Variants in NUCKS1 observed in about 807,000 individuals in gnomAD.
NUCKS1 encodes the protein nuclear casein kinase and cyclin dependent kinase substrate 1, also known as nuclear ubiquitous casein and cyclin-dependent kinase substrate 1.
In NUCKS1, 2 loss-of-function variants were observed where a neutral mutation model predicts 33.0. The ratio of observed to expected loss-of-function variants is 0.06; its 90% confidence interval spans 0.02 to 0.19. The LOEUF is 0.19. NUCKS1 is among the 10% of genes least tolerant of loss of function. The pLI, the probability that NUCKS1 is intolerant of heterozygous loss-of-function variation, is 1.00. For missense variants in NUCKS1, 201 were observed against 293.6 expected, an observed-to-expected ratio of 0.68 and a Z score of 2.31; for synonymous variants, 106 against 102.8, an observed-to-expected ratio of 1.03 and a Z score of -0.19.
chr1:205,744,571 T>C (rs1654264254), intron 1 of NUCKS1, among the ~76,000 whole-genome samples: 2 of 150,650 alleles, frequency 1.3e-5, no homozygotes, highest in Admixed American at 6.7e-5. Flanking sequence ...TGGCAAAATA[T>C]GATGACCTAA....
intron 1 of NUCKS1, among the ~76,000 whole-genome samples, chr1:205,739,743 C>A (rs973807704): frequency 4.6e-5 from 7 of 152,136 alleles, no homozygotes; most frequent in African/African-American, 1.7e-4. Flanking sequence ...TTGTGCAACA[C>A]CATGTCTGGC....
Position 205,717,935 on chromosome 1 carries a change from C to T in NUCKS1, c.*345G>A. The T allele has an allele frequency of 1.0e-6, 1 of 1,000,030 alleles. No individual in the cohort carries two copies. The highest frequency in any genetic ancestry group is 1.2e-6 in the Non-Finnish European group (1 of 840,046). The allele number at this position is 1,000,030 out of a possible 1,614,324, so 61.9% of individuals were successfully genotyped here. On this transcript the variant is annotated 3_prime_UTR_variant, in exon 7 of 7. Coordinates refer to ENST00000367142, the MANE Select transcript of NUCKS1 (RefSeq NM_022731.5). ...CATCTCAAATCTTATTGCTTTACAA[C>T]CGTGGTACACCTTTCATTAAAAATA...
At chr1:205,744,152 C>A (rs1463102187) in intron 1 of NUCKS1, among the ~76,000 whole-genome samples, 1 of 152,150 alleles carries the variant, frequency 6.6e-6, no homozygotes, top group Non-Finnish European at 1.5e-5. Flanking sequence ...CTGTAACTTG[C>A]TCCAAAGAAG....
At chr1:205,743,829 T>G (rs11240561) in intron 1 of NUCKS1, among the ~76,000 whole-genome samples, 34,196 of 152,124 alleles carry the variant, frequency 0.22, 4,343 homozygotes, top group Admixed American at 0.32. Flanking sequence ...GACAGTGAGT[T>G]AGTGTACTCA....
At chr1:205,749,620 G>A (rs1654430739) in intron 1 of NUCKS1, among the ~76,000 whole-genome samples, 1 of 152,086 alleles carries the variant, frequency 6.6e-6, no homozygotes, top group African/African-American at 2.4e-5. Flanking sequence ...GAGGAGGTGG[G>A]GCCTCTTGGG....
intron 1 of NUCKS1, among the ~76,000 whole-genome samples, chr1:205,734,090 G>A (rs189741488): frequency 6.6e-6 from 1 of 151,188 alleles, no homozygotes; most frequent in South Asian, 2.1e-4. Context: ...TGTTTCCCAT[G>A]CTGGTCTCAA....
At chr1:205,722,600 C>T (rs928496424) in intron 4 of NUCKS1, among the ~76,000 whole-genome samples, 3 of 152,114 alleles carry the variant, frequency 2.0e-5, no homozygotes, top group Admixed American at 1.3e-4. Flanking sequence ...GCCATGTTGG[C>T]CAGGCTGGTC....
intron 4 of NUCKS1, 54 bp from the exon 5 acceptor site, chr1:205,720,707 A>G: frequency 1.3e-6 from 2 of 1,505,754 alleles, no homozygotes; most frequent in East Asian, 4.5e-5. Context: ...ATATTTGACA[A>G]GATAGTGCAA....
At chr1:205,749,445 G>C (rs1654420606) in intron 1 of NUCKS1, among the ~76,000 whole-genome samples, 1 of 152,082 alleles carries the variant, frequency 6.6e-6, no homozygotes, top group African/African-American at 2.4e-5. Flanking sequence ...CTCCCCCTTT[G>C]CCAGGAACAC....
rs1372145489 is a variant in NUCKS1, at chr1:205,750,011, G to T, written c.-38C>A. The stretch of plus-strand genomic sequence containing the variant: ...AACAGGACCGAGTCGAGAAGCCAAA[G>T]ACCAGGACCCCCCCCACCCCGCGCG... On this transcript the variant is annotated 5_prime_UTR_variant, in exon 1 of 7. Transcript: ENST00000367142. The T allele has an allele frequency of 1.3e-6, 2 of 1,578,998 alleles. No homozygotes were observed. The highest frequency in any genetic ancestry group is 8.6e-7 in the Non-Finnish European group (1 of 1,160,020).
At chr1:205,727,472 A>G (rs766840385) in intron 3 of NUCKS1, among the ~76,000 whole-genome samples, 14 of 152,184 alleles carry the variant, frequency 9.2e-5, no homozygotes, top group Non-Finnish European at 1.8e-4. Flanking sequence ...TGAATGAGAT[A>G]TATCACTTAT....
chr1:205,748,187 C>T (rs1455274061), intron 1 of NUCKS1, among the ~76,000 whole-genome samples: 1 of 152,056 alleles, frequency 6.6e-6, no homozygotes, highest in Non-Finnish European at 1.5e-5. Context: ...TCCAAGTTTT[C>T]CAGTAAAAAT....
Position 205,749,524 on chromosome 1 carries a change from G to C in NUCKS1, c.17+433C>G, listed in dbSNP as rs928951966. ...CAGTCGCTGGGGGAAGGGGCAATAC[G>C]GGTGCCTCCGCCCCTCCTCGCTGAA... On this transcript the variant is annotated intron_variant, in intron 1 of 6. Coordinates refer to ENST00000367142, the MANE Select transcript of NUCKS1 (RefSeq NM_022731.5). Among the ~76,000 whole-genome samples the C allele has an allele frequency of 2.6e-5, 4 of 152,028 alleles. No individual in the cohort carries two copies. In the East Asian group the frequency reaches 7.8e-4, roughly 30 times the overall value.
chr1:205,746,803 T>C (rs1320403732), intron 1 of NUCKS1, among the ~76,000 whole-genome samples: 1 of 152,194 alleles, frequency 6.6e-6, no homozygotes, highest in Admixed American at 6.5e-5. Flanking sequence ...TGTTTTCACA[T>C]CTAAATTTTC....
In NUCKS1 at chr1:205,750,048, AC is replaced by A. The variant is rs755727511; in HGVS notation, c.-76del. 2,271 of 863,766 alleles carry A rather than the reference AC, an allele frequency of 2.6e-3. No individual in the cohort carries two copies. The highest frequency in any genetic ancestry group is 0.012 in the East Asian group (97 of 8,092). The allele number at this position is 863,766 out of a possible 1,614,324, so 53.5% of individuals were successfully genotyped here. On this transcript the variant is annotated 5_prime_UTR_variant, in exon 1 of 7. Coordinates refer to ENST00000367142, the MANE Select transcript of NUCKS1 (RefSeq NM_022731.5). ...CCCCACCCCGCGCGCTCGGCGCCCC[AC>A]CCCCCCCGAACTTCAGCCGATGGGA...
chr1:205,720,771 C>A, intron 4 of NUCKS1, 118 bp from the exon 5 acceptor site: 1 of 951,134 alleles, frequency 1.1e-6, no homozygotes, highest in Non-Finnish European at 1.5e-6. Flanking sequence ...ACACAGTGGC[C>A]AATATAGGAT....
intron 1 of NUCKS1, among the ~76,000 whole-genome samples, chr1:205,732,797 T>TAAAAAAAAAAAAAAAAAAAAAAA (rs1653947549): frequency 1.6e-5 from 1 of 63,914 alleles, no homozygotes; most frequent in African/African-American, 5.0e-5. Flanking sequence ...AAAAAAAAAG[T>TAAAAAAAAAAAAAAAAAAAAAAA]TAAGATGGTA....
chr1:205,718,085 T>TA lies in NUCKS1; in HGVS notation c.*194dup, dbSNP rs78311899. ...CACTTACACATACAATGGTTTGCTT[T>TA]AAAAAAAAAAAAAAAAAAAGAGAGA... On this transcript the variant is annotated 3_prime_UTR_variant, in exon 7 of 7. Transcript: ENST00000367142. 124,328 of 1,002,552 alleles carry TA rather than the reference T, an allele frequency of 0.12. 1,788 individuals are homozygous for TA. Among genetic ancestry groups the TA allele is most frequent in the East Asian group, 0.33 (4,918 of 14,912 alleles). 62.1% of individuals were successfully genotyped at this position (1,002,552 alleles called of 1,614,324 possible). A position where few individuals can be genotyped will look rare whatever the true frequency, so the allele number is the denominator to read the frequency against.
chr1:205,750,115 C>T lies in NUCKS1; in HGVS notation c.-142G>A. ...CCCGAGCTGCTGGCTTCTCAAACTC[C>T]GCTGCTCTTTGGTTCAGGGCTCCTG... is the stretch of plus-strand genomic sequence containing the variant. On this transcript the variant is annotated 5_prime_UTR_variant, in exon 1 of 7. Transcript: ENST00000367142. The T allele has an allele frequency of 2.3e-6, 2 of 862,976 alleles. No individual in the cohort carries two copies. The highest frequency in any genetic ancestry group is 5.8e-5 in the East Asian group (2 of 34,254). The allele number at this position is 862,976 out of a possible 1,614,324, so 53.5% of individuals were successfully genotyped here.
Sources: gnomAD v4.1 joint callset for allele counts (sites outside exome capture counted in the v4.1 genomes callset) on GRCh38, gnomAD v4.1.1 for gene constraint, MANE v1.5 for transcripts, NCBI Gene and HGNC (gene_info 2026-07-23, HGNC 2026-07-21) for gene names.